The following PTPN13 variants were observed in gnomAD, a reference collection of about 807,000 sequenced individuals.
PTPN13 encodes the protein tyrosine-protein phosphatase non-receptor type 13.
A neutral mutation model predicts 284.0 loss-of-function variants in PTPN13; 191 were observed. The ratio of observed to expected loss-of-function variants is 0.67; its 90% CI spans 0.60 to 0.76. The LOEUF (loss-of-function observed/expected upper bound fraction) is 0.76. Among genes scored for constraint, PTPN13 ranks in the 30% least tolerant of loss-of-function variants. The pLI is 0.00. For synonymous variants in PTPN13, 986 were observed against 1,022.3 expected (o/e 0.96, Z 0.68); for missense variants, 2,797 against 2,939.9 (o/e 0.95, Z 1.12).
chr4:86,800,108 G>C lies in PTPN13; in HGVS notation c.6505+904G>C, dbSNP rs1439637591. ...CCACCTCGGCCTCCCAAAGTGCTGG[G>C]ATTACAGGCGTGAGCCACACCGCAC... On this transcript the variant is annotated intron_variant, in intron 42 of 47. Coordinates refer to ENST00000411767, the MANE Select transcript of PTPN13 (RefSeq NM_080683.3). Among the ~76,000 whole-genome samples the C allele has an allele frequency of 2.6e-4, 39 of 151,980 alleles. 1 individual carries two copies. Among genetic ancestry groups the C allele is most frequent in the Admixed American group, 2.4e-3 (37 of 15,260 alleles).
intron 25 of PTPN13, 120 bp from the exon 26 acceptor site, chr4:86,765,275 T>C: frequency 1.5e-6 from 1 of 675,630 alleles, no homozygotes; most frequent in South Asian, 1.9e-5. Flanking sequence ...ATACTGTACA[T>C]CAGCACATGC....
intron 9 of PTPN13, among the ~76,000 whole-genome samples, chr4:86,719,022 G>A (rs547313249): frequency 1.1e-4 from 17 of 151,992 alleles, no homozygotes; most frequent in Non-Finnish European, 1.9e-4. Flanking sequence ...TACATGTGAA[G>A]GTTTGTTATA....
rs776625877 is a variant in PTPN13 at position 86,693,612 on chromosome 4, A to T, written c.572A>T (p.Glu191Val). 2.7e-5 allele frequency: 42 copies of T among 1,555,414 alleles called. No homozygotes were observed. The highest frequency in any genetic ancestry group is 9.6e-6 in the Non-Finnish European group (11 of 1,146,858). Residue 191 changes from glutamate to valine, a missense_variant, in exon 6 of 48, where the codon GAA becomes GTA. Physicochemically the swap from Glu to Val is moderately radical, Grantham distance 121. Coordinates refer to ENST00000411767, the MANE Select transcript of PTPN13 (RefSeq NM_080683.3). ...SGTDQLSCNSEQKPDRSQAIR... is the reference protein window; with the variant it reads ...SGTDQLSCNSVQKPDRSQAIR... Reference sequence around the variant, plus strand: ...ACAGATCAGCTTTCCTGTAACAGTGAACAAAAGCCTGATCGAAGCCAGGCT... The same window carrying T: ...ACAGATCAGCTTTCCTGTAACAGTGTACAAAAGCCTGATCGAAGCCAGGCT...
rs1739082000 is a variant in PTPN13 at position 86,764,691 on chromosome 4, T to C, written c.4116T>C (p.Ala1372=). 1 of 1,606,362 alleles carries C rather than the reference T, an allele frequency of 6.2e-7. No individual in the cohort carries two copies. The highest frequency in any genetic ancestry group is 8.5e-7 in the Non-Finnish European group (1 of 1,178,180). ...KPGDIFEVEL[A]KNDNSLGISV... Reference sequence around the variant, plus strand: ...GAGATATCTTTGAGGTTGAACTGGCTAAAAATGATAACAGCTTGGGGATAA... The same window carrying C: ...GAGATATCTTTGAGGTTGAACTGGCCAAAAATGATAACAGCTTGGGGATAA... Residue 1372 remains alanine, a synonymous_variant, in exon 25 of 48, where the codon GCT becomes GCC. Transcript: ENST00000411767.
At chr4:86,651,658 T>G (rs2148809268) in intron 2 of PTPN13, among the ~76,000 whole-genome samples, 1 of 152,292 alleles carries the variant, frequency 6.6e-6, no homozygotes, top group East Asian at 1.9e-4. Flanking sequence ...CTTATCTCAT[T>G]ACTTGTTATT....
In PTPN13 at chr4:86,785,275, G is replaced by T. The variant is rs1478327585; in HGVS notation, c.6163G>T (p.Ala2055Ser). ...EDDIYDDSQE[A>S]EVIQSLLDVV... is the part of the protein sequence containing the mutation. ...TGACATTTATGATGATTCCCAAGAA[G>T]CTGAAGTTATCCAGTCTCTGCTGGA... The change falls in exon 39 of 48, where the codon GCT becomes TCT. Residue 2055 changes from alanine (A) to serine (S), a missense_variant. By Grantham distance (99) the Ala-to-Ser change is moderately conservative. Coordinates refer to ENST00000411767, the MANE Select transcript of PTPN13 (RefSeq NM_080683.3). The T allele has an allele frequency of 6.3e-7, 1 of 1,593,948 alleles. No individual in the cohort carries two copies. The highest frequency in any genetic ancestry group is 1.7e-5 in the Admixed American group (1 of 59,326).
intron 2 of PTPN13, among the ~76,000 whole-genome samples, chr4:86,656,021 C>T (rs1725758457): frequency 6.6e-6 from 1 of 152,124 alleles, no homozygotes; most frequent in Non-Finnish European, 1.5e-5. Flanking sequence ...CCCTTTCTTC[C>T]AGTTGATCTA....
In PTPN13 at chr4:86,711,098, CTTTT is replaced by C. The variant is rs58186398; in HGVS notation, c.1196-5416_1196-5413del. ...GCCACCACACCTGGTTAATTATTGC[CTTTT>C]TTTTTTTTTTTTTTTGGAGAGATGG... is the stretch of plus-strand genomic sequence containing the variant. On this transcript the variant is annotated intron_variant, in intron 7 of 47. Coordinates refer to ENST00000411767, the MANE Select transcript of PTPN13 (RefSeq NM_080683.3). 1.9e-4 allele frequency among the ~76,000 whole-genome samples: 18 copies of C among 97,106 alleles called. No individual in the cohort carries two copies. The South Asian group carries it at 5.0e-3, about 27-fold the overall frequency. 63.7% of individuals were successfully genotyped at this position (97,106 alleles called of 152,430 possible).
chr4:86,800,862 C>T (rs2149365288), intron 42 of PTPN13, among the ~76,000 whole-genome samples: 1 of 152,328 alleles, frequency 6.6e-6, no homozygotes, highest in South Asian at 2.1e-4. Context: ...TCCTGTTGCA[C>T]TGACATGCAG....
intron 15 of PTPN13, among the ~76,000 whole-genome samples, chr4:86,737,766 T>C (rs1408981606): frequency 1.3e-5 from 2 of 152,166 alleles, no homozygotes; most frequent in East Asian, 3.9e-4. Flanking sequence ...AGTCTCACTC[T>C]GTTGCCAGGT....
intron 5 of PTPN13, among the ~76,000 whole-genome samples, chr4:86,691,266 G>A (rs1027300684): frequency 2.6e-5 from 4 of 151,730 alleles, no homozygotes; most frequent in Non-Finnish European, 5.9e-5. Flanking sequence ...ATAGCACTTC[G>A]AACTGTATCC....
chr4:86,664,048 A>G (rs1726797984), intron 2 of PTPN13, among the ~76,000 whole-genome samples: 1 of 152,174 alleles, frequency 6.6e-6, no homozygotes, highest in Non-Finnish European at 1.5e-5. Context: ...ATTTGTGTGT[A>G]GGATAGGTTG....
At position 86,751,029 on chromosome 4, in the gene PTPN13, C is replaced by A; in HGVS notation, c.3071C>A (p.Ser1024Ter). ...CTACCTTCCTTTTCCCTCTTCAGTT[C>A]AAAGTCTGTTGCGAGTTTAAATAGA... ...SLAGVTKLNN[S>*]KSVASLNRSP... Residue 1024 changes from serine (S) to a stop codon, truncating the protein, a stop_gained and splice_region_variant, in exon 19 of 48, where the codon TCA becomes TAA. Transcript: ENST00000411767. LOFTEE classifies it high-confidence loss of function. 6.2e-7 allele frequency: 1 copy of A among 1,603,116 alleles called. No homozygotes were observed. The highest frequency in any genetic ancestry group is 1.1e-5 in the South Asian group (1 of 90,214).
chr4:86,767,730 T>C (rs1015711900), intron 27 of PTPN13, 87 bp from the exon 28 acceptor site: 1 of 1,080,606 alleles, frequency 9.3e-7, no homozygotes, highest in Non-Finnish European at 1.3e-6. Context: ...TAAATGATTT[T>C]ATACCATTAA....
chr4:86,595,705 GA>G, intron 1 of PTPN13: 1 of 985,270 alleles, frequency 1.0e-6, no homozygotes, highest in Non-Finnish European at 1.2e-6. Context: ...CTCCCTCGCA[GA>G]AAATGGGGCA....
Position 86,780,412 on chromosome 4 carries a change from C to G in PTPN13, c.5902C>G (p.Pro1968Ala). ...TTTTTTACAACACAGAAATGATCTT[C>G]CAGTGGTCCCCAGCTCAAAGAGGTC... ...LVLKATRNDLPVVPSSKRSAV... is the reference protein window; with the variant it reads ...LVLKATRNDLAVVPSSKRSAV... The change falls in exon 36 of 48, where the codon CCA (proline) becomes GCA (alanine). Residue 1968 changes from proline to alanine, a missense_variant. Pro to Ala is a conservative substitution (Grantham distance 27). Coordinates refer to ENST00000411767, the MANE Select transcript of PTPN13 (RefSeq NM_080683.3). 6.2e-7 allele frequency: 1 copy of G among 1,609,876 alleles called. No homozygotes were observed. The highest frequency in any genetic ancestry group is 8.5e-7 in the Non-Finnish European group (1 of 1,177,926).
At chr4:86,803,175 A>G (rs1565619181) in intron 42 of PTPN13, among the ~76,000 whole-genome samples, 1 of 151,434 alleles carries the variant, frequency 6.6e-6, no homozygotes, top group East Asian at 1.9e-4. Flanking sequence ...ATATACACAT[A>G]CATACATATA....
chr4:86,596,969 G>C (rs1001124405), intron 1 of PTPN13, among the ~76,000 whole-genome samples: 2 of 152,132 alleles, frequency 1.3e-5, no homozygotes, highest in Non-Finnish European at 2.9e-5. Flanking sequence ...ACATATTCTT[G>C]TTTTGGAATA....
At chr4:86,680,844 CTT>C (rs1728825991) in intron 3 of PTPN13, among the ~76,000 whole-genome samples, 1 of 152,170 alleles carries the variant, frequency 6.6e-6, no homozygotes, top group Non-Finnish European at 1.5e-5. Context: ...ATGGCAATGC[CTT>C]TCTCCCTGTT....
Sources: allele counts gnomAD v4.1 joint callset (sites outside exome capture counted in the v4.1 genomes callset), GRCh38; gene constraint gnomAD v4.1.1; transcripts MANE v1.5; gene names NCBI Gene and HGNC (gene_info 2026-07-23, HGNC 2026-07-21).